The following DYNC1I1 variants were observed in gnomAD, a reference collection of about 807,000 sequenced individuals.
The protein encoded by DYNC1I1 is dynein cytoplasmic 1 intermediate chain 1, also known as cytoplasmic dynein 1 intermediate chain 1.
Under a neutral mutation model 86.6 loss-of-function variants are expected in DYNC1I1, and 43 were observed. The observed-to-expected ratio is 0.50, with a 90% CI of 0.39 to 0.64. The LOEUF is 0.64. Among genes scored for constraint, DYNC1I1 ranks in the 30% least tolerant of loss-of-function variants. The pLI is 0.00. For missense variants in DYNC1I1, 604 were observed against 788.8 expected, an observed-to-expected ratio of 0.77 and a Z score of 2.81; for synonymous variants, 262 against 283.7, an observed-to-expected ratio of 0.92 and a Z score of 0.77.
chr7:96,084,400 A>G (rs1443510114), intron 16 of DYNC1I1, among the ~76,000 whole-genome samples: 2 of 149,574 alleles, frequency 1.3e-5, no homozygotes, highest in Non-Finnish European at 3.0e-5. Flanking sequence ...GGATGGACAC[A>G]CTACAATCTT....
chr7:95,845,825 T>C (rs1789410297), intron 5 of DYNC1I1, among the ~76,000 whole-genome samples: 1 of 152,164 alleles, frequency 6.6e-6, no homozygotes, highest in Non-Finnish European at 1.5e-5. Flanking sequence ...TTGCTCACCA[T>C]TTGTAATAAT....
At chr7:95,776,625 G>T (rs942050314) in intron 1 of DYNC1I1, among the ~76,000 whole-genome samples, 1 of 152,154 alleles carries the variant, frequency 6.6e-6, no homozygotes, top group African/African-American at 2.4e-5. Context: ...GAAATGTATC[G>T]AAGACAAAGC....
chr7:96,019,672 A>C (rs1015106887), intron 10 of DYNC1I1, among the ~76,000 whole-genome samples: 2 of 152,172 alleles, frequency 1.3e-5, no homozygotes, highest in African/African-American at 4.8e-5. Flanking sequence ...GCTCTAATTC[A>C]AGGTGTGAAA....
chr7:95,836,504 A>G (rs1433142684), intron 5 of DYNC1I1, among the ~76,000 whole-genome samples: 2 of 151,506 alleles, frequency 1.3e-5, no homozygotes, highest in East Asian at 3.9e-4. Context: ...CCTGAATCTG[A>G]ACGTTGGCCT....
At chr7:95,775,763 T>C (rs367719674) in intron 1 of DYNC1I1, among the ~76,000 whole-genome samples, 2 of 152,204 alleles carry the variant, frequency 1.3e-5, no homozygotes, top group East Asian at 1.9e-4. Context: ...ATCAGGGATC[T>C]CTTTTACTAG....
chr7:95,850,822 A>G (rs1359749667), intron 5 of DYNC1I1, among the ~76,000 whole-genome samples: 1 of 152,232 alleles, frequency 6.6e-6, no homozygotes. Context: ...ACCTTTTCAC[A>G]TAAATGAAAC....
At chr7:95,918,195 A>G (rs1051070057) in intron 6 of DYNC1I1, among the ~76,000 whole-genome samples, 4 of 152,300 alleles carry the variant, frequency 2.6e-5, no homozygotes, top group African/African-American at 9.6e-5. Flanking sequence ...GTTGCACAGG[A>G]GAATCCATTT....
chr7:95,827,966 T>G, intron 4 of DYNC1I1, 91 bp from the exon 5 acceptor site: 1 of 1,317,870 alleles, frequency 7.6e-7, no homozygotes, highest in South Asian at 1.2e-5. Flanking sequence ...TATATGCTCT[T>G]GCCTTGATGA....
chr7:95,880,179 C>A (rs1043510179), intron 6 of DYNC1I1, among the ~76,000 whole-genome samples: 4 of 152,090 alleles, frequency 2.6e-5, no homozygotes, highest in African/African-American at 9.7e-5. Context: ...TTCAAAACCC[C>A]GACACCTTGG....
intron 10 of DYNC1I1, among the ~76,000 whole-genome samples, chr7:96,011,709 A>C (rs914569989): frequency 6.6e-6 from 1 of 152,220 alleles, no homozygotes; most frequent in Non-Finnish European, 1.5e-5. Context: ...GTGTGTGTCA[A>C]TCTAGTTCTC....
At chr7:95,971,611 A>T (rs917082703) in intron 6 of DYNC1I1, among the ~76,000 whole-genome samples, 2 of 152,204 alleles carry the variant, frequency 1.3e-5, no homozygotes, top group Non-Finnish European at 2.9e-5. Context: ...TTGCCAGTTT[A>T]CATCTTGGAA....
chr7:96,108,693 C>CTTGGGGT (rs1791258108), intron 16 of DYNC1I1, among the ~76,000 whole-genome samples: 4 of 151,818 alleles, frequency 2.6e-5, no homozygotes, highest in Non-Finnish European at 5.9e-5. Context: ...AAAACCCCGT[C>CTTGGGGT]TCTACTAAAA....
chr7:96,091,735 C>T (rs1432185165), intron 16 of DYNC1I1, among the ~76,000 whole-genome samples: 1 of 152,094 alleles, frequency 6.6e-6, no homozygotes, highest in Non-Finnish European at 1.5e-5. Context: ...TAGTTATTAG[C>T]CATGTGATTA....
intron 5 of DYNC1I1, among the ~76,000 whole-genome samples, chr7:95,842,904 G>A (rs1056089747): frequency 1.3e-5 from 2 of 150,820 alleles, no homozygotes; most frequent in South Asian, 2.1e-4. Flanking sequence ...TTTTTTTTAG[G>A]TTTCAGATAC....
intron 10 of DYNC1I1, among the ~76,000 whole-genome samples, chr7:96,010,894 A>T: frequency 6.6e-6 from 1 of 152,214 alleles, no homozygotes; most frequent in East Asian, 1.9e-4. Flanking sequence ...TTTTGAATGT[A>T]TTTTAAAATA....
intron 14 of DYNC1I1, chr7:96,056,104 A>C (rs1331067339): frequency 2.6e-5 from 4 of 152,160 alleles, no homozygotes; most frequent in Non-Finnish European, 5.9e-5. Flanking sequence ...AGGGTTATGC[A>C]TGAGACACTT....
chr7:95,790,323 C>T (rs1289930317), intron 1 of DYNC1I1, among the ~76,000 whole-genome samples: 2 of 152,160 alleles, frequency 1.3e-5, no homozygotes, highest in East Asian at 3.9e-4. Flanking sequence ...CGTCTTCCTC[C>T]ACCCCATTTT....
intron 14 of DYNC1I1, among the ~76,000 whole-genome samples, chr7:96,061,297 A>C (rs958613448): frequency 1.3e-5 from 2 of 152,156 alleles, no homozygotes; most frequent in East Asian, 3.9e-4. Flanking sequence ...CTGTCTTGTC[A>C]AAGTGTTGGC....
chr7:95,780,214 T>C (rs1183195074), intron 1 of DYNC1I1, among the ~76,000 whole-genome samples: 7 of 152,126 alleles, frequency 4.6e-5, no homozygotes. Context: ...TTCTAATGAA[T>C]AAATGATGAC....
Sources: gnomAD v4.1 joint callset for allele counts (sites outside exome capture counted in the v4.1 genomes callset) on GRCh38, gnomAD v4.1.1 for gene constraint, MANE v1.5 for transcripts, NCBI Gene and HGNC (gene_info 2026-07-23, HGNC 2026-07-21) for gene names.